Variants in BBS4 observed in about 807,000 individuals in gnomAD.
BBS4 encodes the protein Bardet-Biedl syndrome 4.
In BBS4, 58 loss-of-function variants were observed where a neutral mutation model predicts 71.4. That is an observed-to-expected ratio of 0.81 (90% CI 0.66 to 1.01). BBS4 has a LOEUF of 1.01. Ranked by LOEUF, BBS4 falls within the 50% of genes least tolerant of loss-of-function variation. The probability of loss-of-function intolerance (pLI) is 0.00; values close to 1 mark genes in which losing one functional copy is unlikely to be tolerated. For synonymous variants in BBS4, 228 were observed against 216.8 expected (o/e 1.05, Z -0.46); for missense variants, 660 against 607.9 (o/e 1.09, Z -0.90).
chr15:72,702,126 G>C (rs1053734882), intron 2 of BBS4, among the ~76,000 whole-genome samples: 1 of 152,072 alleles, frequency 6.6e-6, no homozygotes, highest in African/African-American at 2.4e-5. Flanking sequence ...GATTACAGGC[G>C]TGAGCCACTG....
At chr15:72,699,480 T>C (rs1343336279) in intron 2 of BBS4, among the ~76,000 whole-genome samples, 2 of 152,238 alleles carry the variant, frequency 1.3e-5, no homozygotes, top group African/African-American at 2.4e-5. Context: ...ATTTCAATGC[T>C]AGTAAATCTT....
chr15:72,732,910 A>AT (rs925248283), intron 12 of BBS4, among the ~76,000 whole-genome samples: 11 of 152,178 alleles, frequency 7.2e-5, no homozygotes, highest in Non-Finnish European at 1.6e-4. Context: ...GCCAGTTTGA[A>AT]TAATTTCAGT....
chr15:72,712,498 A>C (rs2065392357), intron 4 of BBS4, among the ~76,000 whole-genome samples, 191 bp downstream of exon 4: 1 of 152,246 alleles, frequency 6.6e-6, no homozygotes, highest in South Asian at 2.1e-4. Context: ...TACTTACACA[A>C]ACATAGATGG....
intron 2 of BBS4, among the ~76,000 whole-genome samples, chr15:72,696,361 T>C (rs1444610738): frequency 6.6e-6 from 1 of 152,228 alleles, no homozygotes; most frequent in Non-Finnish European, 1.5e-5. Context: ...TATCAACATA[T>C]AATTTTCGTA....
At chr15:72,723,207 T>A (rs532533732) in intron 7 of BBS4, among the ~76,000 whole-genome samples, 65 of 152,314 alleles carry the variant, frequency 4.3e-4, no homozygotes, top group Non-Finnish European at 6.0e-4. Context: ...ATGTGAGCTA[T>A]CTCCATGCCC....
chr15:72,701,091 C>T (rs879543035), intron 2 of BBS4, among the ~76,000 whole-genome samples: 1 of 152,068 alleles, frequency 6.6e-6, no homozygotes, highest in Non-Finnish European at 1.5e-5. Context: ...TTATCAGTGC[C>T]CTCCAGGCCG....
chr15:72,691,330 A>G (rs780647700), intron 1 of BBS4, among the ~76,000 whole-genome samples: 1 of 152,138 alleles, frequency 6.6e-6, no homozygotes, highest in Non-Finnish European at 1.5e-5. Flanking sequence ...TGTGTGCTTT[A>G]AAGGATAATA....
rs201886458 is a variant in BBS4, at chr15:72,725,055, T to TAGAGAGAGAGAG, written c.587+401_587+402insGAGAGAGAGAGA. 1.5e-3 allele frequency among the ~76,000 whole-genome samples: 163 copies of TAGAGAGAGAGAG among 111,668 alleles called. 1 individual carries two copies. Among genetic ancestry groups the TAGAGAGAGAGAG allele is most frequent in the East Asian group, 5.1e-4 (2 of 3,926 alleles). The allele number at this position is 111,668 out of a possible 152,430, so 73.3% of individuals were successfully genotyped here. A position where few individuals can be genotyped will look rare whatever the true frequency, so the allele number is the denominator to read the frequency against. On this transcript the variant is annotated intron_variant, in intron 8 of 15. Coordinates refer to ENST00000268057, the MANE Select transcript of BBS4 (RefSeq NM_033028.5). ...GCATCTGGCTATATATATATATATA[T>TAGAGAGAGAGAG]ATAGAGAGAGAGAGAGAGAGAGAGA...
rs1022913525 is a variant in BBS4, at chr15:72,726,485, G to A, written c.588-1455G>A. ...CATTTGTTTGGTCCCTTAATAGAAT[G>A]TCTGGTCTGTGGTTCAAGGCTTATT... On this transcript the variant is annotated intron_variant, in intron 8 of 15. Coordinates refer to ENST00000268057, the MANE Select transcript of BBS4 (RefSeq NM_033028.5). 2.0e-5 allele frequency among the ~76,000 whole-genome samples: 3 copies of A among 152,150 alleles called. No homozygotes were observed. The South Asian group carries it at 6.2e-4, about 31-fold the overall frequency.
At chr15:72,705,995 ATACT>A (rs1449728256) in intron 2 of BBS4, among the ~76,000 whole-genome samples, 1 of 152,026 alleles carries the variant, frequency 6.6e-6, no homozygotes, top group Non-Finnish European at 1.5e-5. Flanking sequence ...AAGGTTTGTA[ATACT>A]TAGTATAAAC....
At chr15:72,733,056 G>A (rs1398470011) in intron 12 of BBS4, among the ~76,000 whole-genome samples, 3 of 152,190 alleles carry the variant, frequency 2.0e-5, no homozygotes, top group Non-Finnish European at 2.9e-5. Context: ...TGGTCGGTCT[G>A]CATACAGAAG....
chr15:72,716,936 T>TA (rs1463519463), intron 6 of BBS4, 86 bp downstream of exon 6: 9 of 968,988 alleles, frequency 9.3e-6, no homozygotes, highest in East Asian at 5.0e-5. Flanking sequence ...TCTGAATTCT[T>TA]ACATTCCAAA....
At chr15:72,707,086 G>C (rs1357715250) in intron 2 of BBS4, among the ~76,000 whole-genome samples, 1 of 150,946 alleles carries the variant, frequency 6.6e-6, no homozygotes, top group Non-Finnish European at 1.5e-5. Flanking sequence ...GTTTTCTTTA[G>C]ATTGTTTCTC....
chr15:72,709,800 TA>T, intron 3 of BBS4, 21 bp downstream of exon 3: 1 of 1,598,572 alleles, frequency 6.3e-7, no homozygotes. Context: ...GCCATAATAA[TA>T]AAAATGAGAG....
At chr15:72,686,585 A>G (rs2064845165) in intron 1 of BBS4, 1 of 1,400,536 alleles carries the variant, frequency 7.1e-7, no homozygotes, top group Non-Finnish European at 9.4e-7. Flanking sequence ...GCACTTGTGT[A>G]GACAGTTCCT....
At chr15:72,707,319 C>G (rs528678911) in intron 2 of BBS4, among the ~76,000 whole-genome samples, 61 of 151,392 alleles carry the variant, frequency 4.0e-4, no homozygotes, top group African/African-American at 1.5e-3. Flanking sequence ...GCTGGGATGT[C>G]AGGATGCGCC....
Position 72,715,318 on chromosome 15 carries a change from T to C in BBS4, c.248T>C (p.Ile83Thr), listed in dbSNP as rs1567415169. Residue 83 changes from isoleucine to threonine, a missense_variant, in exon 5 of 16, where the codon ATC (isoleucine) becomes ACC (threonine). Ile to Thr is a moderately conservative substitution (Grantham distance 89). Coordinates refer to ENST00000268057, the MANE Select transcript of BBS4 (RefSeq NM_033028.5). ...QALIFRLEGN[I>T]QESLELFQTC... Reference sequence around the variant, plus strand: ...TTGATATTTCGCCTAGAAGGAAATATCCAAGAATCCCTAGAACTCTTCCAG... The same window carrying C: ...TTGATATTTCGCCTAGAAGGAAATACCCAAGAATCCCTAGAACTCTTCCAG... The C allele has an allele frequency of 6.2e-7, 1 of 1,613,658 alleles. No individual in the cohort carries two copies. The highest frequency in any genetic ancestry group is 8.5e-7 in the Non-Finnish European group (1 of 1,179,618).
intron 2 of BBS4, among the ~76,000 whole-genome samples, chr15:72,700,493 A>G (rs1214278077): frequency 1.3e-5 from 2 of 152,146 alleles, no homozygotes; most frequent in African/African-American, 4.8e-5. Flanking sequence ...GCTGGTGGGT[A>G]TATTGTGTTT....
chr15:72,691,745 A>T (rs1227463504), intron 1 of BBS4, among the ~76,000 whole-genome samples: 3 of 152,100 alleles, frequency 2.0e-5, no homozygotes, highest in Non-Finnish European at 4.4e-5. Flanking sequence ...GCTGCGGATC[A>T]TGAGGTCAAG....
Sources: gnomAD v4.1 joint callset for allele counts (sites outside exome capture counted in the v4.1 genomes callset) on GRCh38, gnomAD v4.1.1 for gene constraint, MANE v1.5 for transcripts, NCBI Gene and HGNC (gene_info 2026-07-23, HGNC 2026-07-21) for gene names.